The following RGS10 variants were observed in gnomAD, a reference collection of about 807,000 sequenced individuals.
RGS10 encodes the protein regulator of G-protein signalling 10.
A neutral mutation model predicts 23.5 loss-of-function variants in RGS10; 11 were observed. That is an observed-to-expected ratio of 0.47 (90% confidence interval 0.29 to 0.77). The LOEUF (loss-of-function observed/expected upper bound fraction) is 0.77. Among genes scored for constraint, RGS10 ranks in the 30% least tolerant of loss-of-function variants. RGS10 has a pLI of 0.08. For synonymous variants in RGS10, 77 were observed against 83.2 expected, an observed-to-expected ratio of 0.92 and a Z score of 0.41; for missense variants, 180 against 226.3, an observed-to-expected ratio of 0.80 and a Z score of 1.31.
At chr10:119,523,387 G>A (rs185976790) in intron 3 of RGS10, among the ~76,000 whole-genome samples, 1 of 152,250 alleles carries the variant, frequency 6.6e-6, no homozygotes, top group African/African-American at 2.4e-5. Flanking sequence ...ATGCTGGGCC[G>A]AGTACAGTGG....
In RGS10 at chr10:119,515,667, T is replaced by TG. The variant is rs1844134138; in HGVS notation, c.256-16dup. On this transcript the variant is annotated splice_polypyrimidine_tract_variant and intron_variant, in intron 3 of 4. Coordinates refer to ENST00000369103, the MANE Select transcript of RGS10 (RefSeq NM_001005339.2). ...TTTTCCTGCATCTGGAGGAGACAGA[T>TG]GGGGCCTTGTGCTATCTGCACACAC... is the stretch of plus-strand genomic sequence containing the variant. 1.2e-6 allele frequency: 2 copies of TG among 1,613,770 alleles called. No individual in the cohort carries two copies. The highest frequency in any genetic ancestry group is 1.3e-5 in the African/African-American group (1 of 75,028).
chr10:119,505,412 G>A lies in RGS10; in HGVS notation c.400-5153C>T, dbSNP rs530251976. Among the ~76,000 whole-genome samples, 5 of 139,864 alleles carry A rather than the reference G, an allele frequency of 3.6e-5. No homozygotes were observed. In the East Asian group the frequency reaches 6.7e-4, roughly 19 times the overall value. 91.8% of individuals were successfully genotyped at this position (139,864 alleles called of 152,430 possible). Reference sequence around the variant, plus strand: ...GCAGCCCCACATCTGCAAGCTGCACGCCTGGACTGTAAACTGTTTAGCATC... The same window carrying A: ...GCAGCCCCACATCTGCAAGCTGCACACCTGGACTGTAAACTGTTTAGCATC... On this transcript the variant is annotated intron_variant, in intron 4 of 4. Coordinates refer to ENST00000369103, the MANE Select transcript of RGS10 (RefSeq NM_001005339.2).
At chr10:119,521,568 T>TAA (rs1367087408) in intron 3 of RGS10, among the ~76,000 whole-genome samples, 1 of 86,860 alleles carries the variant, frequency 1.2e-5, no homozygotes, top group African/African-American at 4.7e-5. Flanking sequence ...GAAACCCCAT[T>TAA]AAAAAAAAAA....
At position 119,542,694 on chromosome 10, in the gene RGS10, C is replaced by A; in HGVS notation, c.-56G>T. 5 of 1,317,306 alleles carry A rather than the reference C, an allele frequency of 3.8e-6. No individual in the cohort carries two copies. The highest frequency in any genetic ancestry group is 4.9e-6 in the Non-Finnish European group (5 of 1,029,556). The allele number at this position is 1,317,306 out of a possible 1,614,324, so 81.6% of individuals were successfully genotyped here. A position where few individuals can be genotyped will look rare whatever the true frequency, so the allele number is the denominator to read the frequency against. ...CAGCCCGGCGGCGCGGCGGCTGAGC[C>A]GGAGGAAGGCGAGGAGGAGGAGGAG... is the stretch of plus-strand genomic sequence containing the variant. On this transcript the variant is annotated 5_prime_UTR_variant, in exon 1 of 5. Transcript: ENST00000369103.
chr10:119,504,483 C>T (rs1475781315), intron 4 of RGS10, among the ~76,000 whole-genome samples: 1 of 152,214 alleles, frequency 6.6e-6, no homozygotes, highest in Non-Finnish European at 1.5e-5. Flanking sequence ...GCTCCAAATA[C>T]ATTCTTTAAG....
intron 2 of RGS10, 35 bp from the exon 3 acceptor site, chr10:119,526,153 C>T: frequency 8.9e-7 from 1 of 1,122,432 alleles, no homozygotes; most frequent in Non-Finnish European, 1.3e-6. Flanking sequence ...ACACAGTATT[C>T]TACTTTAAAA....
chr10:119,506,404 A>G (rs1019823105), intron 4 of RGS10, among the ~76,000 whole-genome samples: 1 of 152,234 alleles, frequency 6.6e-6, no homozygotes, highest in Non-Finnish European at 1.5e-5. Flanking sequence ...AGAGATGGAC[A>G]GTGTGCCAGG....
chr10:119,524,915 A>C lies in RGS10; in HGVS notation c.255+1117T>G, dbSNP rs1018892896. Among the ~76,000 whole-genome samples the C allele has an allele frequency of 6.6e-6, 1 of 152,108 alleles. No homozygotes were observed. Among genetic ancestry groups the C allele is most frequent in the Non-Finnish European group, 1.5e-5 (1 of 68,032 alleles). ...CTGCGCCCGGAAAGGCCTTTGAATA[A>C]ACCCATGATATACATTTTCCAAGCA... is the stretch of plus-strand genomic sequence containing the variant. On this transcript the variant is annotated intron_variant, in intron 3 of 4. Transcript: ENST00000369103. This position sits in a 1 kb window ranked among gnomAD's most constrained non-coding sequence, Gnocchi z 5.2.
chr10:119,542,589 C>A lies in RGS10; in HGVS notation c.49+1G>T. ...GCCCGCGGGCCCCCGAAGCCGCTTACCTGACGGCGGCCGCTTCCTGCTCAG... is the reference window on the plus strand; with the variant it reads ...GCCCGCGGGCCCCCGAAGCCGCTTAACTGACGGCGGCCGCTTCCTGCTCAG... On this transcript the variant is annotated splice_donor_variant, in intron 1 of 4. Transcript: ENST00000369103. LOFTEE classifies it high-confidence loss of function. 7.0e-7 allele frequency: 1 copy of A among 1,423,970 alleles called. No individual in the cohort carries two copies. The allele number at this position is 1,423,970 out of a possible 1,614,324, so 88.2% of individuals were successfully genotyped here.
chr10:119,500,153 T>C lies in RGS10; in HGVS notation c.506A>G (p.Gln169Arg). 1 of 1,614,106 alleles carries C rather than the reference T, an allele frequency of 6.2e-7. No individual in the cohort carries two copies. Among genetic ancestry groups the C allele is most frequent in the Middle Eastern group, 1.6e-4 (1 of 6,062 alleles). The change falls in exon 5 of 5, where the codon CAA becomes CGA. Residue 169 changes from glutamine to arginine, a missense_variant. Physicochemically the swap from Gln to Arg is conservative, Grantham distance 43. Coordinates refer to ENST00000369103, the MANE Select transcript of RGS10 (RefSeq NM_001005339.2). Reference sequence around the variant, plus strand: ...TCTGGAAGCTCTTTTAGCTGCAGTTTGAGCATCAGGCAAATCTTCTTCCTC... The same window carrying C: ...TCTGGAAGCTCTTTTAGCTGCAGTTCGAGCATCAGGCAAATCTTCTTCCTC... ...EEEEEDLPDA[Q>R]TAAKRASRIY...
chr10:119,518,334 G>A (rs1050792578), intron 3 of RGS10, among the ~76,000 whole-genome samples: 1 of 152,082 alleles, frequency 6.6e-6, no homozygotes, highest in Non-Finnish European at 1.5e-5. Flanking sequence ...CCCCACCTTG[G>A]CCCATCAACT....
chr10:119,500,355 G>A, intron 4 of RGS10, 96 bp from the exon 5 acceptor site: 4 of 1,124,224 alleles, frequency 3.6e-6, no homozygotes, highest in Non-Finnish European at 3.7e-6. Context: ...ATGTGCCAAA[G>A]AATACTAACA....
chr10:119,536,583 G>A (rs1396353778), intron 1 of RGS10: 5 of 1,414,544 alleles, frequency 3.5e-6, no homozygotes, highest in Non-Finnish European at 3.8e-6. Context: ...CCTTGGGTCC[G>A]AAGAAAAAAC....
At chr10:119,539,005 C>T (rs1386007588) in intron 1 of RGS10, among the ~76,000 whole-genome samples, 3 of 152,158 alleles carry the variant, frequency 2.0e-5, no homozygotes, top group Non-Finnish European at 4.4e-5. Context: ...AGAAAGGAGA[C>T]ATCACATCAA....
At chr10:119,511,201 T>C (rs1415147711) in intron 4 of RGS10, among the ~76,000 whole-genome samples, 2 of 152,202 alleles carry the variant, frequency 1.3e-5, no homozygotes, top group African/African-American at 2.4e-5. Context: ...TCGCCTCTCC[T>C]GGCTTTGCCT....
chr10:119,536,678 G>A (rs1214344788), intron 1 of RGS10: 4 of 577,640 alleles, frequency 6.9e-6, no homozygotes, highest in South Asian at 2.4e-5. Context: ...AAATAAGAAC[G>A]CCAAACTGTT....
chr10:119,541,241 T>C (rs1049616782), intron 1 of RGS10, among the ~76,000 whole-genome samples: 1 of 152,082 alleles, frequency 6.6e-6, no homozygotes, highest in Non-Finnish European at 1.5e-5. Context: ...GTGCCAACCA[T>C]AGAGACTGGT....
chr10:119,502,463 C>T (rs1348428458), intron 4 of RGS10, among the ~76,000 whole-genome samples: 4 of 152,202 alleles, frequency 2.6e-5, no homozygotes, highest in Admixed American at 6.5e-5. Context: ...AAGCAGGATG[C>T]GGTGCGACCC....
At chr10:119,520,809 C>CAAAAAAAAAAAAA (rs58487462) in intron 3 of RGS10, among the ~76,000 whole-genome samples, 5 of 126,082 alleles carry the variant, frequency 4.0e-5, no homozygotes, top group African/African-American at 9.2e-5. Context: ...TCTCCAAAAG[C>CAAAAAAAAAAAAA]AAAAAAAAAA....
Sources: allele counts gnomAD v4.1 joint callset (sites outside exome capture counted in the v4.1 genomes callset), GRCh38; gene constraint gnomAD v4.1.1; non-coding constraint Gnocchi (gnomAD v3.1); transcripts MANE v1.5; gene names NCBI Gene and HGNC (gene_info 2026-07-23, HGNC 2026-07-21).